CCSER1: variants seen among roughly 807,000 people sequenced by gnomAD.
CCSER1 encodes the protein serine-rich coiled-coil domain-containing protein 1.
CCSER1 carries 41 observed loss-of-function variants against 82.0 expected under a neutral mutation model. That is an observed-to-expected ratio of 0.50 (90% CI 0.39 to 0.65). The LOEUF is 0.65. CCSER1 is among the 30% of genes least tolerant of loss of function. The probability of loss-of-function intolerance (pLI) is 0.00; values close to 1 mark genes in which losing one functional copy is unlikely to be tolerated. For synonymous variants in CCSER1, 414 were observed against 383.9 expected, an observed-to-expected ratio of 1.08 and a Z score of -0.92; for missense variants, 1,119 against 1,064.2, an observed-to-expected ratio of 1.05 and a Z score of -0.72.
chr4:90,833,583 C>G (rs756402844), intron 8 of CCSER1, among the ~76,000 whole-genome samples: 1 of 152,122 alleles, frequency 6.6e-6, no homozygotes, highest in Non-Finnish European at 1.5e-5. Context: ...TTCGTTTGTT[C>G]ACTACCAGCC....
chr4:90,393,795 G>A (rs1228802771), intron 3 of CCSER1, among the ~76,000 whole-genome samples: 3 of 43,508 alleles, frequency 6.9e-5, no homozygotes, highest in African/African-American at 3.7e-4. Context: ...TTTTTTTTTT[G>A]GGACAGGACC....
rs368466685 is a variant in CCSER1, at chr4:91,086,398, G to A, written c.2217+404G>A. Among the ~76,000 whole-genome samples, 34 of 152,152 alleles carry A rather than the reference G, an allele frequency of 2.2e-4. No homozygotes were observed. The East Asian group carries it at 2.3e-3, about 10-fold the overall frequency. ...TGGGATTCCTCATTTTCCTGTCAAA[G>A]GCTTTTGGCATATGCTACTAGGTTG... On this transcript the variant is annotated intron_variant, in intron 10 of 10. Transcript: ENST00000509176.
intron 10 of CCSER1, among the ~76,000 whole-genome samples, chr4:91,509,219 A>T (rs1759696670): frequency 6.6e-6 from 1 of 151,940 alleles, no homozygotes; most frequent in South Asian, 2.1e-4. Context: ...TCTTTAGGAT[A>T]GACATTTACA....
At chr4:90,876,758 T>C (rs979651349) in intron 8 of CCSER1, among the ~76,000 whole-genome samples, 2 of 152,136 alleles carry the variant, frequency 1.3e-5, no homozygotes, top group African/African-American at 4.8e-5. Flanking sequence ...TTAAACACTC[T>C]TCCTCCTTTC....
chr4:90,626,019 T>C (rs1723197666), intron 5 of CCSER1, among the ~76,000 whole-genome samples: 1 of 152,094 alleles, frequency 6.6e-6, no homozygotes, highest in African/African-American at 2.4e-5. Context: ...ACCAAATAAT[T>C]TTAAAGAGCC....
chr4:90,942,414 C>T lies in CCSER1; in HGVS notation c.2172+18967C>T, dbSNP rs193230663. 6.5e-4 allele frequency among the ~76,000 whole-genome samples: 99 copies of T among 152,258 alleles called. 1 individual carries two copies. The highest frequency in any genetic ancestry group is 2.2e-3 in the African/African-American group (91 of 41,542). ...TTTTGAATCTATGCATTGGTGTGCT[C>T]TTGCCTCTCTTGTGTGAAGCCTTTT... On this transcript the variant is annotated intron_variant, in intron 9 of 10. Transcript: ENST00000509176.
intron 1 of CCSER1, among the ~76,000 whole-genome samples, chr4:90,272,583 A>T (rs1560921824): frequency 1.3e-5 from 2 of 152,168 alleles, no homozygotes; most frequent in Admixed American, 6.5e-5. Context: ...AAAGAAATCA[A>T]TATGTTAAAG....
chr4:90,865,312 A>T (rs114865180), intron 8 of CCSER1, among the ~76,000 whole-genome samples: 2,366 of 152,078 alleles, frequency 0.016, 69 homozygotes, highest in African/African-American at 0.053. Context: ...TAATAACACA[A>T]ATTCTCTCTA....
chr4:90,839,438 T>C (rs753789048), intron 8 of CCSER1, among the ~76,000 whole-genome samples: 21 of 152,242 alleles, frequency 1.4e-4, no homozygotes, highest in Non-Finnish European at 2.9e-4. Context: ...GGCATGGAAC[T>C]GTGCCTTCAC....
chr4:90,391,504 A>AATAT (rs70963065), intron 3 of CCSER1, among the ~76,000 whole-genome samples: 3,028 of 79,356 alleles, frequency 0.038, 95 homozygotes, highest in South Asian at 0.049. Context: ...ACAGTGGGTA[A>AATAT]ATATATATAT....
chr4:90,752,696 C>T (rs1279989096), intron 7 of CCSER1, among the ~76,000 whole-genome samples: 2 of 152,066 alleles, frequency 1.3e-5, no homozygotes, highest in African/African-American at 2.4e-5. Flanking sequence ...CAGATATACT[C>T]ATTTCCTGGG....
chr4:91,160,772 G>A (rs1731312200), intron 10 of CCSER1, among the ~76,000 whole-genome samples: 1 of 151,858 alleles, frequency 6.6e-6, no homozygotes, highest in Non-Finnish European at 1.5e-5. Flanking sequence ...TTGTAAATTT[G>A]TTTAAGTTCT....
At chr4:90,863,679 GA>G (rs1306074985) in intron 8 of CCSER1, among the ~76,000 whole-genome samples, 1 of 149,364 alleles carries the variant, frequency 6.7e-6, no homozygotes, top group Non-Finnish European at 1.5e-5. Context: ...TACCCAATCA[GA>G]AAAAAAGAAA....
chr4:90,900,094 G>GT lies in CCSER1; in HGVS notation c.2095-23259dup, dbSNP rs70963096. Reference sequence around the variant, plus strand: ...TGCTGTGAAACCCTCTGGTCCCAGAGTTTTTTTTTTTTTTTTTGTAGATAT... The same window carrying GT: ...TGCTGTGAAACCCTCTGGTCCCAGAGTTTTTTTTTTTTTTTTTTGTAGATAT... On this transcript the variant is annotated intron_variant, in intron 8 of 10. Coordinates refer to ENST00000509176, the MANE Select transcript of CCSER1 (RefSeq NM_001145065.2). Among the ~76,000 whole-genome samples, 587 of 102,150 alleles carry GT rather than the reference G, an allele frequency of 5.7e-3. 9 individuals carry two copies. The highest frequency in any genetic ancestry group is 0.025 in the Middle Eastern group (4 of 160). The allele number at this position is 102,150 out of a possible 152,430, so 67.0% of individuals were successfully genotyped here.
At chr4:91,539,204 A>G (rs1263105076) in intron 10 of CCSER1, among the ~76,000 whole-genome samples, 5 of 151,962 alleles carry the variant, frequency 3.3e-5, no homozygotes, top group Non-Finnish European at 5.9e-5. Flanking sequence ...TCCATGTGCT[A>G]TGCTTTTCCT....
At chr4:90,207,470 AC>A (rs1002857480) in intron 1 of CCSER1, among the ~76,000 whole-genome samples, 2 of 152,094 alleles carry the variant, frequency 1.3e-5, no homozygotes, top group African/African-American at 4.8e-5. Flanking sequence ...GTTTGTTATT[AC>A]CCACCTTCTG....
chr4:90,962,350 TCA>T, intron 9 of CCSER1, among the ~76,000 whole-genome samples: 1 of 152,240 alleles, frequency 6.6e-6, no homozygotes, highest in Non-Finnish European at 1.5e-5. Flanking sequence ...TTTTGCAATA[TCA>T]CAGTCAAAAC....
At chr4:91,591,015 G>C (rs932836180) in intron 10 of CCSER1, among the ~76,000 whole-genome samples, 7 of 152,016 alleles carry the variant, frequency 4.6e-5, no homozygotes, top group Admixed American at 4.6e-4. Flanking sequence ...CTCAACTGGG[G>C]GCAATTTTGC....
At chr4:91,539,139 T>G (rs559282514) in intron 10 of CCSER1, among the ~76,000 whole-genome samples, 1 of 152,236 alleles carries the variant, frequency 6.6e-6, no homozygotes, top group East Asian at 1.9e-4. Flanking sequence ...TCTCTAGCTG[T>G]TAACTCTTTA....
Sources: gnomAD v4.1 joint callset for allele counts (sites outside exome capture counted in the v4.1 genomes callset) on GRCh38, gnomAD v4.1.1 for gene constraint, MANE v1.5 for transcripts, NCBI Gene and HGNC (gene_info 2026-07-23, HGNC 2026-07-21) for gene names.